Variants in GPC6 observed in about 807,000 individuals in gnomAD.
GPC6 encodes the protein glypican-6.
GPC6 carries 14 observed loss-of-function variants against 55.2 expected under a neutral mutation model. That is an observed-to-expected ratio of 0.25 (90% confidence interval 0.17 to 0.40). GPC6 has a LOEUF of 0.40. Ranked by LOEUF, GPC6 falls within the 10% of genes least tolerant of loss-of-function variation. The pLI, the probability that GPC6 is intolerant of heterozygous loss-of-function variation, is 1.00. For synonymous variants in GPC6, 278 were observed against 259.6 expected (o/e 1.07, Z -0.68); for missense variants, 641 against 708.5 (o/e 0.90, Z 1.08).
intron 4 of GPC6, among the ~76,000 whole-genome samples, chr13:94,242,300 T>C (rs1035988873): frequency 1.3e-5 from 2 of 152,108 alleles, no homozygotes; most frequent in African/African-American, 4.8e-5. Context: ...TTGGTGGGAC[T>C]GTAAACTAGT....
In GPC6 at chr13:93,865,576, C is replaced by G. The variant is rs9561459; in HGVS notation, c.711+35031C>G. On this transcript the variant is annotated intron_variant, in intron 3 of 8. Transcript: ENST00000377047. ...GAAGCCTTTGACCAGAGGTGTAGCACAGAAACTGCTACCCTGTGTCATCCT... is the reference window on the plus strand; with the variant it reads ...GAAGCCTTTGACCAGAGGTGTAGCAGAGAAACTGCTACCCTGTGTCATCCT... 3.5e-4 allele frequency among the ~76,000 whole-genome samples: 53 copies of G among 151,800 alleles called. No individual in the cohort carries two copies. The East Asian group carries it at 0.01, about 30-fold the overall frequency.
At chr13:94,105,344 GCAAATAGAGCA>G (rs1886013919) in intron 4 of GPC6, among the ~76,000 whole-genome samples, 1 of 99,538 alleles carries the variant, frequency 1.0e-5, no homozygotes, top group Non-Finnish European at 2.1e-5. Flanking sequence ...GAACAATAGA[GCAAATAGAGCA>G]AAATATCCTG....
chr13:93,739,493 G>C (rs752095138), intron 2 of GPC6, among the ~76,000 whole-genome samples: 23 of 149,686 alleles, frequency 1.5e-4, no homozygotes, highest in Non-Finnish European at 2.4e-4. Context: ...GCAGTGGTGC[G>C]ATTTCGGCTC....
intron 1 of GPC6, among the ~76,000 whole-genome samples, chr13:93,341,487 C>T (rs898874056): frequency 2.0e-5 from 3 of 152,016 alleles, no homozygotes; most frequent in Non-Finnish European, 4.4e-5. Flanking sequence ...TTTGCATATC[C>T]CTGATGATTA....
intron 4 of GPC6, among the ~76,000 whole-genome samples, chr13:94,272,681 G>A (rs186142426): frequency 3.8e-4 from 58 of 151,878 alleles, no homozygotes; most frequent in Middle Eastern, 3.4e-3. Context: ...TGTTAGCCAG[G>A]ATGGTCTCAA....
chr13:93,525,143 A>C (rs1041984784), intron 1 of GPC6, among the ~76,000 whole-genome samples: 1 of 152,094 alleles, frequency 6.6e-6, no homozygotes, highest in African/African-American at 2.4e-5. Flanking sequence ...ATCCTTTGGC[A>C]GGGCAATCAT....
chr13:93,361,293 G>C (rs886068293), intron 1 of GPC6, among the ~76,000 whole-genome samples: 1 of 152,102 alleles, frequency 6.6e-6, no homozygotes, highest in Non-Finnish European at 1.5e-5. Context: ...CATTGCTTCT[G>C]CCTGTTCCCA....
chr13:93,713,718 A>G, intron 2 of GPC6, among the ~76,000 whole-genome samples: 1 of 151,506 alleles, frequency 6.6e-6, no homozygotes, highest in East Asian at 1.9e-4. Flanking sequence ...ATTTGTAAAA[A>G]AAATGAGCTG....
At chr13:93,498,730 G>A (rs1392394390) in intron 1 of GPC6, among the ~76,000 whole-genome samples, 1 of 152,034 alleles carries the variant, frequency 6.6e-6, no homozygotes, top group Non-Finnish European at 1.5e-5. Flanking sequence ...TCCCAGTTTC[G>A]GTTATGTTGT....
At chr13:93,740,088 A>T (rs1884150164) in intron 2 of GPC6, among the ~76,000 whole-genome samples, 1 of 152,152 alleles carries the variant, frequency 6.6e-6, no homozygotes, top group African/African-American at 2.4e-5. Flanking sequence ...ATTACAAATG[A>T]TCTAAGTCAT....
chr13:93,338,041 T>G (rs1320919156), intron 1 of GPC6, among the ~76,000 whole-genome samples: 1 of 152,208 alleles, frequency 6.6e-6, no homozygotes, highest in African/African-American at 2.4e-5. Context: ...TTTGTTCATT[T>G]TTCGCTAAAT....
chr13:93,490,311 A>C (rs1433143201), intron 1 of GPC6, among the ~76,000 whole-genome samples: 1 of 151,402 alleles, frequency 6.6e-6, no homozygotes, highest in Non-Finnish European at 1.5e-5. Context: ...TTTTAGAGAC[A>C]AAGTACTATA....
intron 1 of GPC6, among the ~76,000 whole-genome samples, chr13:93,238,432 C>G (rs1203080019): frequency 6.6e-6 from 1 of 152,042 alleles, no homozygotes; most frequent in East Asian, 1.9e-4. Flanking sequence ...GGCCTTGTAA[C>G]CTGAGATATT....
intron 3 of GPC6, among the ~76,000 whole-genome samples, chr13:93,854,766 A>G (rs916178718): frequency 6.6e-6 from 1 of 151,734 alleles, no homozygotes; most frequent in African/African-American, 2.4e-5. Flanking sequence ...TTAGAAATTT[A>G]CAACAATGAA....
intron 4 of GPC6, among the ~76,000 whole-genome samples, chr13:94,214,981 G>T (rs1890184409): frequency 6.6e-6 from 1 of 152,128 alleles, no homozygotes. Context: ...ATTTCAACCT[G>T]GCCCCTTTTC....
In GPC6 at chr13:94,353,964, T is replaced by C. The variant is rs140244256; in HGVS notation, c.1153-28450T>C. On this transcript the variant is annotated intron_variant, in intron 6 of 8. Transcript: ENST00000377047. ...AAAAAAATGCAAATCTAGAGTAGCA[T>C]AAAATATGCTTTCTTTCCTTTTTAA... is the stretch of plus-strand genomic sequence containing the variant. Among the ~76,000 whole-genome samples, 187 of 152,280 alleles carry C rather than the reference T, an allele frequency of 1.2e-3. 1 individual carries two copies. The East Asian group carries it at 0.032, about 26-fold the overall frequency.
At chr13:93,978,089 G>A (rs1230998461) in intron 3 of GPC6, among the ~76,000 whole-genome samples, 2 of 152,148 alleles carry the variant, frequency 1.3e-5, no homozygotes, top group South Asian at 2.1e-4. Context: ...CGACAAGAAG[G>A]TCAGATGGTG....
At chr13:93,273,872 G>C (rs886092795) in intron 1 of GPC6, among the ~76,000 whole-genome samples, 2 of 151,514 alleles carry the variant, frequency 1.3e-5, no homozygotes, top group Non-Finnish European at 2.9e-5. Context: ...GTGGTGGTGC[G>C]ATCTCGGCTC....
Position 93,621,230 on chromosome 13 carries a change from T to A in GPC6, c.319+75809T>A, listed in dbSNP as rs368002731. 2.6e-5 allele frequency among the ~76,000 whole-genome samples: 4 copies of A among 152,280 alleles called. No individual in the cohort carries two copies. In the South Asian group the frequency reaches 8.3e-4, roughly 32 times the overall value. On this transcript the variant is annotated intron_variant, in intron 2 of 8. Transcript: ENST00000377047. ...GGAAAAGAGCAATGAAGAAGTTGCC[T>A]ACCTGTTTCAATGTGGTGACCTGGC...
Sources: allele counts gnomAD v4.1 joint callset (sites outside exome capture counted in the v4.1 genomes callset), GRCh38; gene constraint gnomAD v4.1.1; transcripts MANE v1.5; gene names NCBI Gene and HGNC (gene_info 2026-07-23, HGNC 2026-07-21).